Variants in TUBGCP3 observed in about 807,000 individuals in gnomAD.
TUBGCP3 encodes tubulin gamma complex component 3.
Under a neutral mutation model 123.1 loss-of-function variants are expected in TUBGCP3, and 50 were observed. The observed-to-expected ratio is 0.41, with a 90% CI of 0.32 to 0.51. The LOEUF is 0.51. Ranked by LOEUF, TUBGCP3 falls within the 20% of genes least tolerant of loss-of-function variation. The pLI, the probability that TUBGCP3 is intolerant of heterozygous loss-of-function variation, is 0.36. For missense variants in TUBGCP3, 882 were observed against 1,127.0 expected, an observed-to-expected ratio of 0.78 and a Z score of 3.11; for synonymous variants, 405 against 413.9, an observed-to-expected ratio of 0.98 and a Z score of 0.26.
At chr13:112,517,414 T>C (rs1345497368) in intron 16 of TUBGCP3, among the ~76,000 whole-genome samples, 3 of 152,238 alleles carry the variant, frequency 2.0e-5, no homozygotes, top group Non-Finnish European at 4.4e-5. Context: ...ATGAGATCTG[T>C]AATACTACGA....
Position 112,545,637 on chromosome 13 carries a change from C to G in TUBGCP3, c.1335+62G>C. 1.3e-6 allele frequency: 2 copies of G among 1,573,386 alleles called. No individual in the cohort carries two copies. Among genetic ancestry groups the G allele is most frequent in the Non-Finnish European group, 1.7e-6 (2 of 1,146,724 alleles). ...GGTAATCATGAGGGGAAAAATGAAA[C>G]AGCATAACTGCGTGCCCATGCTTTT... On this transcript the variant is annotated intron_variant, in intron 11 of 21. Coordinates refer to ENST00000261965, the MANE Select transcript of TUBGCP3 (RefSeq NM_006322.6). The surrounding 1 kb of genome is among the most constrained non-coding windows in gnomAD (Gnocchi z 4.1).
Position 112,528,446 on chromosome 13 carries a change from T to C in TUBGCP3, c.1336-962A>G, listed in dbSNP as rs921340484. Among the ~76,000 whole-genome samples the C allele has an allele frequency of 3.3e-5, 5 of 152,226 alleles. No individual in the cohort carries two copies. In the South Asian group the frequency reaches 8.3e-4, roughly 25 times the overall value. ...CAGGTGGAATCATGGTTATCCTATA[T>C]TGCTGTCATTAACCAAAAATGAAGC... On this transcript the variant is annotated intron_variant, in intron 11 of 21. Coordinates refer to ENST00000261965, the MANE Select transcript of TUBGCP3 (RefSeq NM_006322.6).
intron 1 of TUBGCP3, among the ~76,000 whole-genome samples, chr13:112,576,910 CAAAA>C (rs1174402133): frequency 5.1e-5 from 3 of 58,616 alleles, no homozygotes; most frequent in African/African-American, 1.1e-4. Context: ...AACAAACAAA[CAAAA>C]AAAAAAAAAC....
At chr13:112,554,474 G>A (rs1364801672) in intron 7 of TUBGCP3, among the ~76,000 whole-genome samples, 3 of 152,208 alleles carry the variant, frequency 2.0e-5, no homozygotes, top group Non-Finnish European at 4.4e-5. Context: ...AAGAGCCACA[G>A]TGTGACCCAC....
rs569192354 is a variant in TUBGCP3 at position 112,550,869 on chromosome 13, C to T, written c.967-2693G>A. On this transcript the variant is annotated intron_variant, in intron 8 of 21. Transcript: ENST00000261965. ...ATCTCATCACTTTGGGAGGCCAAGG[C>T]GGGCAGATCATGAGGTCAGGAGATT... Among the ~76,000 whole-genome samples the T allele has an allele frequency of 1.6e-4, 25 of 152,260 alleles. 1 individual carries two copies. Among genetic ancestry groups the T allele is most frequent in the Middle Eastern group, 3.4e-3 (1 of 294 alleles).
At chr13:112,602,718 C>T in the TUBGCP3 span, 2 of 152,174 alleles carry the variant, frequency 1.3e-5, no homozygotes, top group African/African-American at 4.8e-5. Flanking sequence ...GCTAAGTGTT[C>T]ATTTTACCGA....
At chr13:112,573,084 A>C (rs1349227890) in intron 1 of TUBGCP3, among the ~76,000 whole-genome samples, 1 of 151,910 alleles carries the variant, frequency 6.6e-6, no homozygotes, top group Non-Finnish European at 1.5e-5. Context: ...AACAAAAAGG[A>C]GACAAACACA....
chr13:112,555,053 C>T (rs760218315), intron 6 of TUBGCP3, 48 bp from the exon 7 acceptor site: 5 of 1,208,114 alleles, frequency 4.1e-6, no homozygotes, highest in South Asian at 4.0e-5. Flanking sequence ...AATATTTTAA[C>T]AGACAATAGA....
intron 14 of TUBGCP3, 24 bp downstream of exon 14, chr13:112,522,296 A>G: frequency 1.3e-6 from 2 of 1,497,884 alleles, no homozygotes; most frequent in Non-Finnish European, 1.8e-6. Flanking sequence ...TTACTTATTT[A>G]TAGAAATCAA....
intron 14 of TUBGCP3, among the ~76,000 whole-genome samples, chr13:112,520,415 G>C (rs1042798323): frequency 6.6e-6 from 1 of 152,106 alleles, no homozygotes; most frequent in Non-Finnish European, 1.5e-5. Context: ...TGTAATCCCA[G>C]CTACTTTGGA....
intron 2 of TUBGCP3, 70 bp from the exon 3 acceptor site, chr13:112,565,248 A>C (rs2139259082): frequency 7.7e-7 from 1 of 1,304,992 alleles, no homozygotes; most frequent in East Asian, 2.3e-5. Context: ...ATACTATTTC[A>C]CCTACAACAC....
intron 4 of TUBGCP3, 72 bp downstream of exon 4, chr13:112,559,250 A>G: frequency 2.4e-6 from 3 of 1,252,206 alleles, no homozygotes; most frequent in South Asian, 1.4e-5. Flanking sequence ...TCTTAGCTGC[A>G]GAAGCCGTTT....
intron 1 of TUBGCP3, among the ~76,000 whole-genome samples, chr13:112,576,304 A>T (rs1881803399): frequency 2.0e-5 from 3 of 152,190 alleles, no homozygotes; most frequent in Non-Finnish European, 4.4e-5. Context: ...CTCAAACTAC[A>T]GTAAATGCAC....
At position 112,588,036 on chromosome 13, in the gene TUBGCP3, C is replaced by T. The variant is rs1380717814; in HGVS notation, c.-56G>A. On this transcript the variant is annotated 5_prime_UTR_variant, in exon 1 of 22. Coordinates refer to ENST00000261965, the MANE Select transcript of TUBGCP3 (RefSeq NM_006322.6). ...GCAGAGCCGCCACTGCCGCCGCACGCGCAGGGACCGCGGCCCGCGCCCTTC... is the reference window on the plus strand; with the variant it reads ...GCAGAGCCGCCACTGCCGCCGCACGTGCAGGGACCGCGGCCCGCGCCCTTC... 2 of 1,347,598 alleles carry T rather than the reference C, an allele frequency of 1.5e-6. No homozygotes were observed. The highest frequency in any genetic ancestry group is 1.6e-5 in the South Asian group (1 of 62,028). The allele number at this position is 1,347,598 out of a possible 1,614,324, so 83.5% of individuals were successfully genotyped here.
chr13:112,488,321 T>C (rs1879813749), intron 21 of TUBGCP3, among the ~76,000 whole-genome samples: 1 of 151,702 alleles, frequency 6.6e-6, no homozygotes, highest in Admixed American at 6.6e-5. Context: ...ATATTTTTCA[T>C]GAAATCTTTT....
chr13:112,486,836 G>A (rs1463145867), intron 21 of TUBGCP3, among the ~76,000 whole-genome samples: 1 of 152,244 alleles, frequency 6.6e-6, no homozygotes, highest in Non-Finnish European at 1.5e-5. Context: ...GTGCTGATCT[G>A]TTCACAGAAC....
chr13:112,501,844 G>C (rs1043264421), intron 19 of TUBGCP3, among the ~76,000 whole-genome samples: 1 of 152,164 alleles, frequency 6.6e-6, no homozygotes, highest in Admixed American at 6.5e-5. Flanking sequence ...AGGGCACTGT[G>C]CTACAGGTGG....
Position 112,489,593 on chromosome 13 carries a change from G to A in TUBGCP3, c.2553C>T (p.Thr851=). 1 of 1,612,680 alleles carries A rather than the reference G, an allele frequency of 6.2e-7. No homozygotes were observed. Among genetic ancestry groups the A allele is most frequent in the East Asian group, 2.2e-5 (1 of 44,880 alleles). The part of the protein sequence containing the change: ...PKMCSQLRIL[T]HFYQGIVQQF... ...TCCTCATACACACCTGGTAGAAATGGGTCAATATTCGCAACTGTGAGCACA... is the reference window on the plus strand; with the variant it reads ...TCCTCATACACACCTGGTAGAAATGAGTCAATATTCGCAACTGTGAGCACA... Residue 851 remains threonine (T), a synonymous_variant, in exon 21 of 22, where the codon ACC becomes ACT. Coordinates refer to ENST00000261965, the MANE Select transcript of TUBGCP3 (RefSeq NM_006322.6).
chr13:112,497,529 T>C (rs2139207159), intron 20 of TUBGCP3, among the ~76,000 whole-genome samples: 1 of 152,344 alleles, frequency 6.6e-6, no homozygotes, highest in Non-Finnish European at 1.5e-5. Flanking sequence ...CCAAACTGTA[T>C]TGACTGAATA....
Sources: allele counts gnomAD v4.1 joint callset (sites outside exome capture counted in the v4.1 genomes callset), GRCh38; gene constraint gnomAD v4.1.1; non-coding constraint Gnocchi (gnomAD v3.1); transcripts MANE v1.5; gene names NCBI Gene and HGNC (gene_info 2026-07-23, HGNC 2026-07-21).